The following PCDHA1 variants were observed in gnomAD, a reference collection of about 807,000 sequenced individuals.
PCDHA1 encodes protocadherin alpha 1.
Under a neutral mutation model 61.3 loss-of-function variants are expected in PCDHA1, and 42 were observed. The observed-to-expected ratio is 0.69, with a 90% CI of 0.54 to 0.89. The LOEUF is 0.89. Ranked by LOEUF, PCDHA1 falls within the 40% of genes least tolerant of loss-of-function variation. The pLI, the probability that PCDHA1 is intolerant of heterozygous loss-of-function variation, is 0.00. For synonymous variants in PCDHA1, 610 were observed against 553.8 expected (o/e 1.10, Z -1.43); for missense variants, 1,256 against 1,235.3 (o/e 1.02, Z -0.25).
intron 1 of PCDHA1, chr5:140,870,870 G>A: frequency 6.2e-7 from 1 of 1,613,948 alleles, no homozygotes; most frequent in Non-Finnish European, 8.5e-7. Flanking sequence ...CGGGCCACGT[G>A]GTGGCGAAGG....
chr5:140,966,970 G>C, intron 1 of PCDHA1: 1 of 1,602,870 alleles, frequency 6.2e-7, no homozygotes, highest in Non-Finnish European at 8.5e-7. Flanking sequence ...TGGGGCTTGA[G>C]CTGCGGCGCT....
chr5:140,947,586 A>G (rs958279437), intron 1 of PCDHA1, among the ~76,000 whole-genome samples: 1 of 151,670 alleles, frequency 6.6e-6, no homozygotes, highest in Non-Finnish European at 1.5e-5. Context: ...TAACATTTAG[A>G]TCAATTTAGG....
chr5:140,993,462 TCACACACACACACACACA>T (rs3836747), intron 3 of PCDHA1, among the ~76,000 whole-genome samples: 75 of 141,044 alleles, frequency 5.3e-4, no homozygotes, highest in African/African-American at 1.6e-3. Flanking sequence ...TCTTTCTTTC[TCACACACACACACACACA>T]CACACACACA....
chr5:140,823,734 T>A, intron 1 of PCDHA1: 5 of 1,613,778 alleles, frequency 3.1e-6, no homozygotes, highest in Non-Finnish European at 4.2e-6. Context: ...TGAAGGACCA[T>A]GGAGAGCCCC....
chr5:140,829,618 G>A (rs2150171379), intron 1 of PCDHA1: 5 of 1,612,188 alleles, frequency 3.1e-6, no homozygotes, highest in Middle Eastern at 2.1e-4. Context: ...GCTACATTTC[G>A]GTGCACGCGG....
chr5:140,892,901 C>G (rs994625869), intron 1 of PCDHA1, among the ~76,000 whole-genome samples: 1 of 152,196 alleles, frequency 6.6e-6, no homozygotes, highest in African/African-American at 2.4e-5. Flanking sequence ...CTTTCCCCAT[C>G]CTCCTTTTCC....
intron 1 of PCDHA1, chr5:140,968,325 C>T (rs148804197): frequency 1.2e-6 from 2 of 1,613,988 alleles, no homozygotes; most frequent in African/African-American, 2.7e-5. Context: ...CCAGTCACCT[C>T]CTATGTCTCC....
chr5:140,928,525 G>A (rs200642808), intron 1 of PCDHA1: 1 of 1,614,182 alleles, frequency 6.2e-7, no homozygotes, highest in East Asian at 2.2e-5. Context: ...AAACTTGTTT[G>A]TGGTAGATAG....
At chr5:140,929,104 A>G in intron 1 of PCDHA1, 1 of 1,614,240 alleles carries the variant, frequency 6.2e-7, no homozygotes. Flanking sequence ...TCCTTGCATG[A>G]CATCAGCCAC....
At position 140,821,912 on chromosome 5, in the gene PCDHA1, G is replaced by T. The variant is rs2150111896; in HGVS notation, c.2394+33228G>T. The T allele has an allele frequency of 4.8e-5, 77 of 1,614,108 alleles. No homozygotes were observed. The highest frequency in any genetic ancestry group is 6.4e-5 in the Non-Finnish European group (76 of 1,180,052). On this transcript the variant is annotated intron_variant, in intron 1 of 3. Coordinates refer to ENST00000504120, the MANE Select transcript of PCDHA1 (RefSeq NM_018900.4). ...GCCAAACACGGAACCTTCGTTGGCC[G>T]CATCGCGCAGGACCTAGGGCTGGAG...
intron 1 of PCDHA1, chr5:140,808,966 G>A (rs1554124925): frequency 1.2e-6 from 2 of 1,613,520 alleles, no homozygotes; most frequent in East Asian, 2.2e-5. Context: ...TGGTGGCAAA[G>A]GTGCGCGCGG....
chr5:140,891,820 G>A (rs1341896388), intron 1 of PCDHA1, among the ~76,000 whole-genome samples: 1 of 152,102 alleles, frequency 6.6e-6, no homozygotes, highest in African/African-American at 2.4e-5. Context: ...TAAATTAACG[G>A]CACTGTAAAA....
chr5:141,000,912 A>G (rs1434885581), intron 3 of PCDHA1, among the ~76,000 whole-genome samples: 1 of 152,194 alleles, frequency 6.6e-6, no homozygotes, highest in East Asian at 1.9e-4. Context: ...TGTCTCTAAA[A>G]AAAAAAATCC....
At chr5:140,840,785 T>G (rs1342806305) in intron 1 of PCDHA1, among the ~76,000 whole-genome samples, 1 of 152,086 alleles carries the variant, frequency 6.6e-6, no homozygotes, top group African/African-American at 2.4e-5. Flanking sequence ...TAGAATTATA[T>G]GCTCACCTCA....
At chr5:140,937,326 C>G (rs1287239556) in intron 1 of PCDHA1, among the ~76,000 whole-genome samples, 2 of 152,046 alleles carry the variant, frequency 1.3e-5, no homozygotes, top group Non-Finnish European at 2.9e-5. Flanking sequence ...CGTGAGCCAC[C>G]GCGCCCGGCT....
At chr5:140,815,732 A>G (rs1410141978) in intron 1 of PCDHA1, 2 of 152,184 alleles carry the variant, frequency 1.3e-5, no homozygotes. Flanking sequence ...TTTTAACTCA[A>G]AAGGCCCCCT....
chr5:140,874,167 T>C lies in PCDHA1; in HGVS notation c.2394+85483T>C, dbSNP rs910574514. On this transcript the variant is annotated intron_variant, in intron 1 of 3. Coordinates refer to ENST00000504120, the MANE Select transcript of PCDHA1 (RefSeq NM_018900.4). ...TGTAGAGCCATTCTTGGTTACTCTTTCCTGGTGTTGTAAAGGTGTCATATT... is the reference window on the plus strand; with the variant it reads ...TGTAGAGCCATTCTTGGTTACTCTTCCCTGGTGTTGTAAAGGTGTCATATT... 4.6e-5 allele frequency among the ~76,000 whole-genome samples: 7 copies of C among 152,340 alleles called. No homozygotes were observed. The East Asian group carries it at 1.2e-3, about 25-fold the overall frequency.
At chr5:140,848,219 T>A in intron 1 of PCDHA1, 1 of 368,880 alleles carries the variant, frequency 2.7e-6, no homozygotes, top group Non-Finnish European at 4.9e-6. Flanking sequence ...TAAGAAAAAA[T>A]TAAGAAAATG....
chr5:140,961,938 C>T (rs1443851298), intron 1 of PCDHA1, among the ~76,000 whole-genome samples: 3 of 151,024 alleles, frequency 2.0e-5, no homozygotes, highest in African/African-American at 7.3e-5. Flanking sequence ...GGCTGGAGTG[C>T]AGTGGCATGA....
Sources: allele counts gnomAD v4.1 joint callset (sites outside exome capture counted in the v4.1 genomes callset), GRCh38; gene constraint gnomAD v4.1.1; transcripts MANE v1.5; gene names NCBI Gene and HGNC (gene_info 2026-07-23, HGNC 2026-07-21).